The following SATL1 variants were observed in gnomAD, a reference collection of about 807,000 sequenced individuals.
SATL1 encodes the protein spermidine/spermine N(1)-acetyltransferase-like protein 1.
SATL1 carries 47 observed loss-of-function variants against 51.8 expected under a neutral mutation model. That is an observed-to-expected ratio of 0.91 (90% CI 0.72 to 1.16). SATL1 has a LOEUF of 1.16. Among genes scored for constraint, SATL1 ranks in the 50% most tolerant of loss-of-function variants. SATL1 has a pLI of 0.00. For synonymous variants in SATL1, 176 were observed against 182.4 expected (o/e 0.97, Z 0.28); for missense variants, 520 against 526.4 (o/e 0.99, Z 0.12).
intron 2 of SATL1, among the ~76,000 whole-genome samples, chrX:85,110,335 T>C (rs1925231867): frequency 8.9e-6 from 1 of 111,849 alleles, no homozygotes; most frequent in Non-Finnish European, 1.9e-5. Flanking sequence ...CTCTGCAGGA[T>C]TCATTCTCCC....
At chrX:85,168,452 C>T (rs1451583099) in intron 2 of SATL1, among the ~76,000 whole-genome samples, 1 of 111,562 alleles carries the variant, frequency 9.0e-6, no homozygotes, top group South Asian at 3.8e-4. Context: ...AATCAATGTA[C>T]AAAAGTCGTT....
chrX:85,149,159 G>T (rs1002558225), intron 2 of SATL1, among the ~76,000 whole-genome samples: 40 of 111,395 alleles, frequency 3.6e-4, no homozygotes, highest in Non-Finnish European at 7.3e-4. Context: ...GGGAGAGGTT[G>T]CAATCCTAGT....
At chrX:85,206,510 G>C (rs193163110) in intron 2 of SATL1, among the ~76,000 whole-genome samples, 374 of 111,745 alleles carry the variant, frequency 3.3e-3, no homozygotes, top group Non-Finnish European at 4.2e-3. Context: ...ATCAGAGGAG[G>C]ACAGAGCAAT....
chrX:85,150,131 A>T (rs1447062842), intron 2 of SATL1, among the ~76,000 whole-genome samples: 4 of 111,451 alleles, frequency 3.6e-5, no homozygotes, highest in African/African-American at 1.3e-4. Flanking sequence ...GATAAAGGGG[A>T]TATCACCACC....
chrX:85,152,837 G>A (rs1199736437), intron 2 of SATL1, among the ~76,000 whole-genome samples: 12 of 110,423 alleles, frequency 1.1e-4, no homozygotes, highest in Admixed American at 2.9e-4. Flanking sequence ...GTAGTGGGGA[G>A]GGATAGCATT....
intron 2 of SATL1, among the ~76,000 whole-genome samples, chrX:85,165,635 C>T (rs142247153): frequency 9.0e-6 from 1 of 111,048 alleles, no homozygotes; most frequent in African/African-American, 3.3e-5. Context: ...TGTAATATTA[C>T]CAGAATTTAC....
intron 2 of SATL1, among the ~76,000 whole-genome samples, chrX:85,109,835 C>T (rs990329444): frequency 6.7e-4 from 74 of 110,613 alleles, no homozygotes; most frequent in African/African-American, 2.4e-3. Context: ...ATAATGAAAC[C>T]TCATGTCTAC....
chrX:85,128,030 T>C (rs1348364473), intron 2 of SATL1, among the ~76,000 whole-genome samples: 1 of 112,092 alleles, frequency 8.9e-6, no homozygotes, highest in Non-Finnish European at 1.9e-5. Flanking sequence ...CCACGTTTTC[T>C]TAATCCAGTC....
chrX:85,183,913 C>A (rs773541806), intron 2 of SATL1, among the ~76,000 whole-genome samples: 3 of 110,842 alleles, frequency 2.7e-5, no homozygotes, highest in Non-Finnish European at 5.7e-5. Context: ...TTTTTAAATT[C>A]ATTGGTCATC....
chrX:85,147,277 C>T (rs935556256), intron 2 of SATL1, among the ~76,000 whole-genome samples: 21 of 108,472 alleles, frequency 1.9e-4, no homozygotes, highest in Admixed American at 3.9e-4. Context: ...GAGGGGTGCC[C>T]GCCATTGCCC....
At chrX:85,150,844 C>T (rs1259739502) in intron 2 of SATL1, among the ~76,000 whole-genome samples, 1 of 109,383 alleles carries the variant, frequency 9.1e-6, no homozygotes, top group Non-Finnish European at 1.9e-5. Flanking sequence ...CTATGACAAA[C>T]CCACAGCCAA....
At chrX:85,138,762 GAA>G (rs1373132155) in intron 2 of SATL1, among the ~76,000 whole-genome samples, 2 of 111,326 alleles carry the variant, frequency 1.8e-5, no homozygotes, top group Non-Finnish European at 3.8e-5. Flanking sequence ...TGGGAGTAGA[GAA>G]AAGAAAAATA....
At chrX:85,210,217 C>A (rs1194892962) in intron 2 of SATL1, 2 of 108,250 alleles carry the variant, frequency 1.8e-5, no homozygotes, top group African/African-American at 6.7e-5. Flanking sequence ...CCACTACCAT[C>A]GCCACTCTTT....
intron 2 of SATL1, among the ~76,000 whole-genome samples, chrX:85,180,075 C>A (rs1404137671): frequency 9.0e-6 from 1 of 110,857 alleles, no homozygotes; most frequent in Non-Finnish European, 1.9e-5. Flanking sequence ...ATGAGTTTTA[C>A]AGATAAGAAA....
intron 2 of SATL1, among the ~76,000 whole-genome samples, chrX:85,112,797 C>T (rs890588073): frequency 8.1e-5 from 9 of 110,971 alleles, no homozygotes; most frequent in Admixed American, 7.7e-4. Context: ...TTCCTGGTGC[C>T]AGCTGTGACC....
chrX:85,164,018 C>CTT (rs1231375204), intron 2 of SATL1, among the ~76,000 whole-genome samples: 2 of 111,962 alleles, frequency 1.8e-5, no homozygotes, highest in East Asian at 5.6e-4. Flanking sequence ...TAATGTCCCT[C>CTT]TTTGTCTTTT....
At chrX:85,174,374 G>A (rs1927044618) in intron 2 of SATL1, among the ~76,000 whole-genome samples, 1 of 108,252 alleles carries the variant, frequency 9.2e-6, no homozygotes, top group Admixed American at 1.0e-4. Context: ...CCAGGCTGGA[G>A]TGCAATGGCA....
At chrX:85,193,243 G>T (rs1805556527) in intron 2 of SATL1, among the ~76,000 whole-genome samples, 1 of 111,892 alleles carries the variant, frequency 8.9e-6, no homozygotes, top group Non-Finnish European at 1.9e-5. Flanking sequence ...GAGGAAAAAT[G>T]ATGATGGTAC....
At position 85,100,357 on chromosome X, in the gene SATL1, C is replaced by A. The variant is rs1013043753; in HGVS notation, c.1693+3507G>T. On this transcript the variant is annotated intron_variant, in intron 4 of 7. Coordinates refer to ENST00000644105, the MANE Select transcript of SATL1 (RefSeq NM_001367857.2). ...ACAAATTCAGCAAAGTTGCAGGGTA[C>A]AAGATCAACAAACAAAAATAAGTTG... 5.4e-5 allele frequency among the ~76,000 whole-genome samples: 6 copies of A among 111,815 alleles called. No individual in the cohort carries two copies. The Admixed American group carries it at 5.7e-4, about 11-fold the overall frequency.
Sources: gnomAD v4.1 joint callset for allele counts (sites outside exome capture counted in the v4.1 genomes callset) on GRCh38, gnomAD v4.1.1 for gene constraint, MANE v1.5 for transcripts, NCBI Gene and HGNC (gene_info 2026-07-23, HGNC 2026-07-21) for gene names.